NOXRED1: variants seen among roughly 807,000 people sequenced by gnomAD.
NOXRED1 encodes NADP-dependent oxidoreductase domain-containing protein 1.
In NOXRED1, 20 loss-of-function variants were observed where a neutral mutation model predicts 30.4. That is an observed-to-expected ratio of 0.66 (90% CI 0.46 to 0.96). NOXRED1 has a LOEUF of 0.96. NOXRED1 is among the 40% of genes least tolerant of loss of function. The pLI, the probability that NOXRED1 is intolerant of heterozygous loss-of-function variation, is 0.00. For missense variants in NOXRED1, 374 were observed against 428.0 expected, an observed-to-expected ratio of 0.87 and a Z score of 1.11; for synonymous variants, 155 against 168.0, an observed-to-expected ratio of 0.92 and a Z score of 0.60.
At chr14:77,404,838 T>C (rs1894414989) in intron 5 of NOXRED1, among the ~76,000 whole-genome samples, 1 of 152,044 alleles carries the variant, frequency 6.6e-6, no homozygotes, top group African/African-American at 2.4e-5. Context: ...ATCCAGTGGA[T>C]CTAGTGACAT....
chr14:77,416,612 A>T (rs1323249070), intron 1 of NOXRED1, among the ~76,000 whole-genome samples: 1 of 152,228 alleles, frequency 6.6e-6, no homozygotes, highest in Non-Finnish European at 1.5e-5. Context: ...CTTTCTACAC[A>T]GACACGGCAA....
At chr14:77,419,250 T>C (rs1894919127) in intron 1 of NOXRED1, among the ~76,000 whole-genome samples, 1 of 151,418 alleles carries the variant, frequency 6.6e-6, no homozygotes, top group African/African-American at 2.4e-5. Flanking sequence ...TTTTTGTATT[T>C]TTAGTAGAGA....
chr14:77,402,452 C>G (rs531614418), intron 5 of NOXRED1, among the ~76,000 whole-genome samples: 11 of 152,048 alleles, frequency 7.2e-5, no homozygotes, highest in African/African-American at 2.7e-4. Context: ...ATGGAGAAAC[C>G]TCATCTCTAT....
intron 5 of NOXRED1, among the ~76,000 whole-genome samples, chr14:77,403,112 TAAAGG>T (rs1894370934): frequency 1.3e-5 from 2 of 152,188 alleles, no homozygotes; most frequent in South Asian, 2.1e-4. Flanking sequence ...ATTACAATCT[TAAAGG>T]AGAGGAGAAA....
chr14:77,410,311 A>G (rs1005502415), intron 2 of NOXRED1, among the ~76,000 whole-genome samples: 2 of 152,114 alleles, frequency 1.3e-5, no homozygotes, highest in African/African-American at 2.4e-5. Context: ...TTACAAATCA[A>G]TAAGAAAAAT....
rs765743699 is a variant in NOXRED1, at chr14:77,406,877, T to A, written c.531-2A>T. The stretch of plus-strand genomic sequence containing the variant: ...GTGTGGTTCAACAGTAGTTTCAGCC[T>A]GGAAGTAAAGCCAAGACAGGGAGTG... On this transcript the variant is annotated splice_acceptor_variant, in intron 3 of 5. Coordinates refer to ENST00000380835, the MANE Select transcript of NOXRED1 (RefSeq NM_001113475.3). LOFTEE classifies it high-confidence loss of function. 1.1e-5 allele frequency: 18 copies of A among 1,612,620 alleles called. No homozygotes were observed. Among genetic ancestry groups the A allele is most frequent in the Non-Finnish European group, 1.4e-5 (16 of 1,179,346 alleles).
At chr14:77,420,792 A>G (rs1422066143) in intron 1 of NOXRED1, among the ~76,000 whole-genome samples, 1 of 152,186 alleles carries the variant, frequency 6.6e-6, no homozygotes, top group African/African-American at 2.4e-5. Context: ...ACAGGGGAAG[A>G]TCTTTCCCAA....
intron 5 of NOXRED1, 132 bp downstream of exon 5, chr14:77,405,781 T>C (rs935058139): frequency 3.2e-6 from 2 of 624,648 alleles, no homozygotes; most frequent in Non-Finnish European, 2.8e-6. Flanking sequence ...TTTCCACTAG[T>C]TGAAATTCTT....
In NOXRED1 at chr14:77,406,147, T is replaced by C. The variant is rs1433933673; in HGVS notation, c.683-12A>G. On this transcript the variant is annotated splice_polypyrimidine_tract_variant and intron_variant, in intron 4 of 5. Coordinates refer to ENST00000380835, the MANE Select transcript of NOXRED1 (RefSeq NM_001113475.3). ...GAGGATTATTCCCCCTACACATCAATGAGAAGGTAAATACCAGTTAGCACC... is the reference window on the plus strand; with the variant it reads ...GAGGATTATTCCCCCTACACATCAACGAGAAGGTAAATACCAGTTAGCACC... The C allele has an allele frequency of 6.3e-7, 1 of 1,589,912 alleles. No homozygotes were observed. The highest frequency in any genetic ancestry group is 1.3e-5 in the African/African-American group (1 of 74,508).
rs143842518 is a variant in NOXRED1 at position 77,394,757 on chromosome 14, C to T, written c.954G>A (p.Pro318=). The T allele has an allele frequency of 2.6e-4, 419 of 1,613,622 alleles. 3 individuals carry two copies. The African/African-American group carries it at 4.6e-3, about 18-fold the overall frequency. ...DLTAVQLKET[P]FSQHLSSSPV... ...GACTACTTGAGAGATGCTGGCTAAA[C>T]GGAGTTTCCTTGAGTTGCACAGCAG... Residue 318 remains proline, a synonymous_variant, in exon 6 of 6, where the codon CCG becomes CCA. Transcript: ENST00000380835.
chr14:77,399,291 AAAT>A (rs926147691), intron 5 of NOXRED1, among the ~76,000 whole-genome samples: 1 of 152,062 alleles, frequency 6.6e-6, no homozygotes, highest in Non-Finnish European at 1.5e-5. Flanking sequence ...CAGTCTCTAC[AAAT>A]AATAAAAAAA....
chr14:77,421,398 A>T (rs1464797155), intron 1 of NOXRED1, among the ~76,000 whole-genome samples: 1 of 152,204 alleles, frequency 6.6e-6, no homozygotes, highest in African/African-American at 2.4e-5. Flanking sequence ...TCTGAGACAG[A>T]TGTCAATTTT....
chr14:77,401,650 G>A (rs1191759602), intron 5 of NOXRED1, among the ~76,000 whole-genome samples: 1 of 152,236 alleles, frequency 6.6e-6, no homozygotes, highest in East Asian at 1.9e-4. Context: ...AGGATGCAGT[G>A]AGCCATGATC....
chr14:77,402,401 G>A (rs971472238), intron 5 of NOXRED1, among the ~76,000 whole-genome samples: 10 of 151,822 alleles, frequency 6.6e-5, no homozygotes, highest in Admixed American at 3.3e-4. Flanking sequence ...CAAGGTGAGC[G>A]GATCACCTGA....
intron 1 of NOXRED1, among the ~76,000 whole-genome samples, chr14:77,415,219 C>T (rs1894779795): frequency 6.8e-6 from 1 of 146,430 alleles, no homozygotes; most frequent in African/African-American, 2.6e-5. Flanking sequence ...CACACACACA[C>T]CATGAACTTC....
rs1894323427 is a variant in NOXRED1 at position 77,401,343 on chromosome 14, G to T, written c.905+4570C>A. ...GCCAAGATGGCGCCACTGCACTCCA[G>T]CATGGGCAACAGAACAAGACTCCAC... On this transcript the variant is annotated intron_variant, in intron 5 of 5. Coordinates refer to ENST00000380835, the MANE Select transcript of NOXRED1 (RefSeq NM_001113475.3). Among the ~76,000 whole-genome samples, 10 of 151,880 alleles carry T rather than the reference G, an allele frequency of 6.6e-5. No homozygotes were observed. The South Asian group carries it at 2.1e-3, about 32-fold the overall frequency.
Position 77,419,418 on chromosome 14 carries a change from G to C in NOXRED1, c.155+3317C>G, listed in dbSNP as rs557298664. 1.2e-4 allele frequency among the ~76,000 whole-genome samples: 18 copies of C among 144,634 alleles called. No homozygotes were observed. The East Asian group carries it at 3.7e-3, about 29-fold the overall frequency. 94.9% of individuals were successfully genotyped at this position (144,634 alleles called of 152,430 possible). ...CAGGTTTGCAAGAGATAGTATTCTT[G>C]GTTGACAGGTTTTTTTTTTTCTTTT... On this transcript the variant is annotated intron_variant, in intron 1 of 5. Transcript: ENST00000380835.
intron 2 of NOXRED1, among the ~76,000 whole-genome samples, chr14:77,411,657 A>T (rs1445970914): frequency 6.6e-6 from 1 of 152,124 alleles, no homozygotes; most frequent in African/African-American, 2.4e-5. Context: ...AGGGAAGTGG[A>T]CAGAAAGGGA....
At position 77,422,658 on chromosome 14, in the gene NOXRED1, T is replaced by C. The variant is rs1036580213; in HGVS notation, c.155+77A>G. 6.2e-6 allele frequency: 9 copies of C among 1,445,452 alleles called. No individual in the cohort carries two copies. In the East Asian group the frequency reaches 2.0e-4, roughly 33 times the overall value. The allele number at this position is 1,445,452 out of a possible 1,614,324, so 89.5% of individuals were successfully genotyped here. A position where few individuals can be genotyped will look rare whatever the true frequency, so the allele number is the denominator to read the frequency against. On this transcript the variant is annotated intron_variant, in intron 1 of 5. Coordinates refer to ENST00000380835, the MANE Select transcript of NOXRED1 (RefSeq NM_001113475.3). ...CACCAGCCAAACTTACCCTCCAATA[T>C]AAAAAAAATTTAAGACATTTGAATT...
Sources: gnomAD v4.1 joint callset for allele counts (sites outside exome capture counted in the v4.1 genomes callset) on GRCh38, gnomAD v4.1.1 for gene constraint, MANE v1.5 for transcripts, NCBI Gene and HGNC (gene_info 2026-07-23, HGNC 2026-07-21) for gene names.